Variants in MEGF11 observed in about 807,000 individuals in gnomAD.
MEGF11 encodes multiple EGF like domains 11.
Under a neutral mutation model 146.6 loss-of-function variants are expected in MEGF11, and 126 were observed. That is an observed-to-expected ratio of 0.86 (90% CI 0.74 to 1.00). The LOEUF is 1.00. MEGF11 is among the 50% of genes least tolerant of loss of function. The pLI, the probability that MEGF11 is intolerant of heterozygous loss-of-function variation, is 0.00. For synonymous variants in MEGF11, 532 were observed against 583.4 expected (o/e 0.91, Z 1.27); for missense variants, 1,509 against 1,521.2 (o/e 0.99, Z 0.13).
intron 5 of MEGF11, among the ~76,000 whole-genome samples, chr15:66,087,356 C>T (rs768495149): frequency 5.3e-5 from 8 of 152,188 alleles, no homozygotes; most frequent in Non-Finnish European, 1.2e-4. Context: ...TTTCATCCAA[C>T]GACCACAGAA....
rs188187770 is a variant in MEGF11 at position 65,917,818 on chromosome 15, A to G, written c.2086+148T>C. 232 of 826,064 alleles carry G rather than the reference A, an allele frequency of 2.8e-4. No homozygotes were observed. In the East Asian group the frequency reaches 3.3e-3, roughly 12 times the overall value. 51.2% of individuals were successfully genotyped at this position (826,064 alleles called of 1,614,324 possible). ...ATCCTAATAATCCATCATGTTAGCT[A>G]TAGAGCTAAATGGGGCTCATTCCTA... On this transcript the variant is annotated intron_variant, in intron 16 of 25. Coordinates refer to ENST00000395614, the MANE Select transcript of MEGF11 (RefSeq NM_001385028.1).
Position 65,909,809 on chromosome 15 carries a change from G to T in MEGF11, c.2830-3C>A, listed in dbSNP as rs1284373996. The T allele has an allele frequency of 5.7e-6, 9 of 1,571,880 alleles. No homozygotes were observed. The highest frequency in any genetic ancestry group is 6.9e-6 in the Non-Finnish European group (8 of 1,166,484). On this transcript the variant is annotated splice_region_variant and splice_polypyrimidine_tract_variant and intron_variant, in intron 21 of 25. Transcript: ENST00000395614. Reference sequence around the variant, plus strand: ...CTGTCAAGGGACTTGTTACTGAGCTGTTTGGAGAGTAGGAGAGCCAGTTAA... The same window carrying T: ...CTGTCAAGGGACTTGTTACTGAGCTTTTTGGAGAGTAGGAGAGCCAGTTAA...
At chr15:65,949,765 A>G (rs2080326467) in intron 10 of MEGF11, among the ~76,000 whole-genome samples, 1 of 152,220 alleles carries the variant, frequency 6.6e-6, no homozygotes, top group Non-Finnish European at 1.5e-5. Context: ...GACCTCACAG[A>G]CAGTTCACTG....
chr15:66,208,099 A>AAG (rs1567284238), intron 1 of MEGF11, among the ~76,000 whole-genome samples: 2 of 152,090 alleles, frequency 1.3e-5, no homozygotes, highest in African/African-American at 4.8e-5. Flanking sequence ...AAAAAAAAAA[A>AAG]AAGAAGAAGA....
At chr15:66,227,431 T>C (rs1412044285) in intron 1 of MEGF11, among the ~76,000 whole-genome samples, 1 of 152,208 alleles carries the variant, frequency 6.6e-6, no homozygotes, top group Non-Finnish European at 1.5e-5. Flanking sequence ...TCTGAGGTAT[T>C]ATTTTCCCCA....
At chr15:65,943,406 G>A (rs1042926275) in intron 10 of MEGF11, among the ~76,000 whole-genome samples, 46 of 152,318 alleles carry the variant, frequency 3.0e-4, no homozygotes, top group African/African-American at 1.1e-3. Context: ...GGCAGGGAGG[G>A]GCACAGGCTG....
At chr15:66,251,190 T>C (rs546819613) in intron 1 of MEGF11, among the ~76,000 whole-genome samples, 1 of 152,322 alleles carries the variant, frequency 6.6e-6, no homozygotes, top group Non-Finnish European at 1.5e-5. Context: ...GCCCTGACAG[T>C]GCTGTGCTTT....
chr15:65,934,097 G>A (rs2079678558), intron 10 of MEGF11, among the ~76,000 whole-genome samples: 1 of 152,190 alleles, frequency 6.6e-6, no homozygotes. Flanking sequence ...GTATGGTCTT[G>A]GAGGACGGAA....
rs1189968585 is a variant in MEGF11, at chr15:65,915,216, T to A, written c.2473+254A>T. ...TGGTCTGGTGGCCTTTCCATAGTAC[T>A]AGCTTGTGGCTACCCTTGCTTGGCT... On this transcript the variant is annotated intron_variant, in intron 19 of 25. Transcript: ENST00000395614. 2.0e-5 allele frequency among the ~76,000 whole-genome samples: 3 copies of A among 152,208 alleles called. 1 individual carries two copies. Among genetic ancestry groups the A allele is most frequent in the Non-Finnish European group, 4.4e-5 (3 of 68,024 alleles).
At chr15:66,029,403 T>C (rs757692886) in intron 5 of MEGF11, among the ~76,000 whole-genome samples, 4 of 152,224 alleles carry the variant, frequency 2.6e-5, no homozygotes, top group South Asian at 2.1e-4. Flanking sequence ...TTTCCTGACC[T>C]CTAAGGCTTT....
chr15:66,150,839 A>T (rs1261854903), intron 1 of MEGF11, among the ~76,000 whole-genome samples: 1 of 111,164 alleles, frequency 9.0e-6, no homozygotes, highest in African/African-American at 3.4e-5. Context: ...AGAGAGAGAG[A>T]GAGAGAGAGA....
Position 66,119,582 on chromosome 15 carries a change from C to T in MEGF11, c.201-396G>A, listed in dbSNP as rs551016405. Among the ~76,000 whole-genome samples, 7 of 152,228 alleles carry T rather than the reference C, an allele frequency of 4.6e-5. No homozygotes were observed. The South Asian group carries it at 1.5e-3, about 32-fold the overall frequency. ...GGCCCTGAGGGTTTCTGTGCCCGCC[C>T]TGTCCCACCCCTCTAACAAGCCAGA... is the stretch of plus-strand genomic sequence containing the variant. On this transcript the variant is annotated intron_variant, in intron 3 of 25. Coordinates refer to ENST00000395614, the MANE Select transcript of MEGF11 (RefSeq NM_001385028.1).
chr15:66,091,741 A>G (rs1479900346), intron 5 of MEGF11, among the ~76,000 whole-genome samples: 1 of 152,238 alleles, frequency 6.6e-6, no homozygotes, highest in Admixed American at 6.5e-5. Context: ...TCATTTTTCC[A>G]TACTGGTCAC....
chr15:65,907,556 A>G (rs535022120), intron 23 of MEGF11, among the ~76,000 whole-genome samples: 3 of 152,234 alleles, frequency 2.0e-5, no homozygotes, highest in East Asian at 3.9e-4. Flanking sequence ...CAGCCTCCCA[A>G]AGTGCTGGGA....
chr15:66,194,121 G>A (rs2090949188), intron 1 of MEGF11, among the ~76,000 whole-genome samples: 1 of 152,158 alleles, frequency 6.6e-6, no homozygotes, highest in African/African-American at 2.4e-5. Context: ...CAATCAATGA[G>A]TGGATAAAGA....
rs764049908 is a variant in MEGF11 at position 65,913,772 on chromosome 15, G to A, written c.2675C>T (p.Ala892Val). 1.5e-5 allele frequency: 24 copies of A among 1,613,568 alleles called. No homozygotes were observed. The highest frequency in any genetic ancestry group is 2.0e-5 in the Non-Finnish European group (24 of 1,179,726). Reference protein sequence around the residue: ...DLAPRVSYTPAMRMTSTDYSL... With the variant: ...DLAPRVSYTPVMRMTSTDYSL... ...GTAGTCGGTGCTGGTCATCCTCATGGCAGGTGTGTAGGAGACACGGGGAGC... is the reference window on the plus strand; with the variant it reads ...GTAGTCGGTGCTGGTCATCCTCATGACAGGTGTGTAGGAGACACGGGGAGC... Residue 892 changes from alanine to valine, a missense_variant, in exon 20 of 26, where the codon GCC becomes GTC. Ala to Val is a moderately conservative substitution (Grantham distance 64, BLOSUM62 0). Transcript: ENST00000395614.
intron 1 of MEGF11, among the ~76,000 whole-genome samples, chr15:66,165,078 C>T (rs993462640): frequency 6.6e-6 from 1 of 152,208 alleles, no homozygotes; most frequent in Admixed American, 6.5e-5. Context: ...TATGACCAAC[C>T]CCTCACAGCA....
At chr15:66,161,233 A>G (rs911107204) in intron 1 of MEGF11, among the ~76,000 whole-genome samples, 1 of 152,230 alleles carries the variant, frequency 6.6e-6, no homozygotes, top group South Asian at 2.1e-4. Context: ...GAGGTGAAAC[A>G]TAATAGCGAT....
chr15:66,039,847 T>TCAGCCTTCTCTCATCCCTA (rs1567213551), intron 5 of MEGF11, among the ~76,000 whole-genome samples: 2 of 1,986 alleles, frequency 1.0e-3, no homozygotes, highest in Non-Finnish European at 1.9e-3. Flanking sequence ...GGGGTGACGG[T>TCAGCCTTCTCTCATCCCTA]CCTGAGCCGG....
Sources: allele counts gnomAD v4.1 joint callset (sites outside exome capture counted in the v4.1 genomes callset), GRCh38; gene constraint gnomAD v4.1.1; transcripts MANE v1.5; gene names NCBI Gene and HGNC (gene_info 2026-07-23, HGNC 2026-07-21).